Variants in MTREX observed in about 807,000 individuals in gnomAD.
The protein encoded by MTREX is Mtr4 exosome RNA helicase, also known as exosome RNA helicase MTR4.
MTREX carries 76 observed loss-of-function variants against 135.4 expected under a neutral mutation model. The observed-to-expected ratio is 0.56, with a 90% CI of 0.47 to 0.68. The LOEUF is 0.68. Among genes scored for constraint, MTREX ranks in the 30% least tolerant of loss-of-function variants. The pLI, the probability that MTREX is intolerant of heterozygous loss-of-function variation, is 0.00. For missense variants in MTREX, 920 were observed against 1,262.1 expected (o/e 0.73, Z 4.11); for synonymous variants, 404 against 401.6 (o/e 1.01, Z -0.07).
chr5:55,338,786 C>A (rs77089807), intron 5 of MTREX, among the ~76,000 whole-genome samples: 5 of 92,232 alleles, frequency 5.4e-5, no homozygotes, highest in Non-Finnish European at 8.2e-5. Flanking sequence ...CTTTCTTTTT[C>A]TTTTTTTTTT....
At chr5:55,349,541 T>G in intron 11 of MTREX, 32 bp from the exon 12 acceptor site, 4 of 1,182,126 alleles carry the variant, frequency 3.4e-6, no homozygotes, top group Non-Finnish European at 5.0e-6. Flanking sequence ...TAACTCATTT[T>G]GATATTTCTG....
chr5:55,391,991 G>T (rs6881959), intron 19 of MTREX, among the ~76,000 whole-genome samples: 1 of 151,930 alleles, frequency 6.6e-6, no homozygotes, highest in Non-Finnish European at 1.5e-5. Flanking sequence ...ACAAACCTCA[G>T]TGTAGATATC....
intron 15 of MTREX, among the ~76,000 whole-genome samples, chr5:55,361,734 A>G (rs1313369001): frequency 6.7e-6 from 1 of 149,000 alleles, no homozygotes; most frequent in East Asian, 2.0e-4. Context: ...CTGGGATTAC[A>G]GGCGTGAGCC....
chr5:55,357,463 G>T, intron 14 of MTREX: 2 of 156,614 alleles, frequency 1.3e-5, no homozygotes, highest in South Asian at 3.8e-4. Context: ...GCACCTTCTT[G>T]ACCAGATCCA....
At chr5:55,393,750 T>C (rs1750604823) in intron 19 of MTREX, among the ~76,000 whole-genome samples, 1 of 152,248 alleles carries the variant, frequency 6.6e-6, no homozygotes. Flanking sequence ...TTCTGAGTTA[T>C]ATCATGAAGG....
intron 19 of MTREX, among the ~76,000 whole-genome samples, chr5:55,394,798 A>G (rs555077298): frequency 7.5e-4 from 114 of 151,814 alleles, no homozygotes; most frequent in African/African-American, 2.6e-3. Flanking sequence ...TTTGGGAGGC[A>G]AAGGCGGGCA....
At chr5:55,378,925 G>A (rs1750349837) in intron 17 of MTREX, among the ~76,000 whole-genome samples, 1 of 152,112 alleles carries the variant, frequency 6.6e-6, no homozygotes, top group Non-Finnish European at 1.5e-5. Context: ...TGTCCTAGGG[G>A]CAATTTCTAA....
chr5:55,323,788 A>G (rs1749326433), intron 2 of MTREX, among the ~76,000 whole-genome samples: 1 of 152,162 alleles, frequency 6.6e-6, no homozygotes, highest in Non-Finnish European at 1.5e-5. Context: ...CTATTGTGTA[A>G]TGGTTTATAA....
intron 3 of MTREX, 27 bp downstream of exon 3, chr5:55,324,225 T>G: frequency 6.4e-7 from 1 of 1,554,570 alleles, no homozygotes; most frequent in Non-Finnish European, 8.8e-7. Flanking sequence ...TACAGAAGGT[T>G]AGTGTTACAA....
chr5:55,404,318 T>C (rs1230062221), intron 21 of MTREX, among the ~76,000 whole-genome samples: 1 of 152,204 alleles, frequency 6.6e-6, no homozygotes, highest in Non-Finnish European at 1.5e-5. Flanking sequence ...TATTTACTGA[T>C]TAACTAAATT....
intron 23 of MTREX, among the ~76,000 whole-genome samples, chr5:55,411,144 C>T (rs574948057): frequency 2.0e-5 from 3 of 152,210 alleles, no homozygotes; most frequent in Admixed American, 1.3e-4. Flanking sequence ...GTAATTAGTT[C>T]ACTTTCAACA....
At chr5:55,374,285 T>TATAA (rs1440361807) in intron 16 of MTREX, among the ~76,000 whole-genome samples, 92 of 144,622 alleles carry the variant, frequency 6.4e-4, no homozygotes, top group African/African-American at 2.3e-3. Context: ...TATATATATA[T>TATAA]AAACAATTTT....
intron 18 of MTREX, among the ~76,000 whole-genome samples, chr5:55,380,837 T>C (rs1464562381): frequency 1.3e-5 from 2 of 152,080 alleles, no homozygotes; most frequent in African/African-American, 4.8e-5. Context: ...TTAGGAAGTG[T>C]TCCCCTTTTC....
intron 16 of MTREX, among the ~76,000 whole-genome samples, chr5:55,372,360 G>A (rs1369872055): frequency 6.6e-6 from 1 of 152,036 alleles, no homozygotes; most frequent in East Asian, 1.9e-4. Flanking sequence ...CAAAAGACTA[G>A]AACTTAGAGC....
Position 55,322,458 on chromosome 5 carries a change from A to G in MTREX, c.266A>G (p.Asp89Gly), listed in dbSNP as rs140301056. ...AGGATAGAAGAGTCAATAACTGAAG[A>G]CTTAAGGTAATATTTCCAAAGTCCT... is the stretch of plus-strand genomic sequence containing the variant. ...KPRIEESITEDLSLADLMPRV... is the reference protein window; with the variant it reads ...KPRIEESITEGLSLADLMPRV... Residue 89 changes from aspartate (D) to glycine (G), a missense_variant, in exon 2 of 27, where the codon GAC becomes GGC. Physicochemically the swap from Asp to Gly is moderately conservative, Grantham distance 94. Coordinates refer to ENST00000230640, the MANE Select transcript of MTREX (RefSeq NM_015360.5). 7.0e-5 allele frequency: 111 copies of G among 1,574,690 alleles called. No homozygotes were observed. The highest frequency in any genetic ancestry group is 9.4e-5 in the Non-Finnish European group (109 of 1,165,600).
chr5:55,416,843 T>C (rs1750973167), intron 25 of MTREX, among the ~76,000 whole-genome samples: 2 of 152,334 alleles, frequency 1.3e-5, no homozygotes, highest in Non-Finnish European at 2.9e-5. Context: ...GAGTTTGTTC[T>C]GTATAGAGAT....
chr5:55,358,982 T>A (rs112567239), intron 15 of MTREX, among the ~76,000 whole-genome samples: 13 of 152,276 alleles, frequency 8.5e-5, no homozygotes, highest in African/African-American at 3.1e-4. Context: ...GAAATCTCTT[T>A]ATTTGACCCA....
intron 10 of MTREX, 66 bp from the exon 11 acceptor site, chr5:55,346,947 G>T: frequency 2.3e-6 from 3 of 1,316,318 alleles, no homozygotes; most frequent in South Asian, 2.9e-5. Context: ...TATAGTTTTA[G>T]CTTTTAAATT....
In MTREX at chr5:55,410,466, G is replaced by GT. The variant is rs1750869449; in HGVS notation, c.2646-57dup. 4.3e-6 allele frequency: 4 copies of GT among 922,872 alleles called. No individual in the cohort carries two copies. In the Admixed American group the frequency reaches 7.6e-5, roughly 18 times the overall value. 57.2% of individuals were successfully genotyped at this position (922,872 alleles called of 1,614,324 possible). ...TAAAAACTACACGTTAAGGGCATAT[G>GT]TGTGTGCATGTGTGTCTTTATATTC... is the stretch of plus-strand genomic sequence containing the variant. On this transcript the variant is annotated intron_variant, in intron 22 of 26. Coordinates refer to ENST00000230640, the MANE Select transcript of MTREX (RefSeq NM_015360.5).
Sources: allele counts gnomAD v4.1 joint callset (sites outside exome capture counted in the v4.1 genomes callset), GRCh38; gene constraint gnomAD v4.1.1; transcripts MANE v1.5; gene names NCBI Gene and HGNC (gene_info 2026-07-23, HGNC 2026-07-21).